The following KIF26B variants were observed in gnomAD, a reference collection of about 807,000 sequenced individuals.
The protein encoded by KIF26B is kinesin-like protein KIF26B.
KIF26B carries 63 observed loss-of-function variants against 151.2 expected under a neutral mutation model. The ratio of observed to expected loss-of-function variants is 0.42; its 90% CI spans 0.34 to 0.51. The LOEUF (loss-of-function observed/expected upper bound fraction) is 0.51, where lower values mean the gene tolerates loss of function less well. Ranked by LOEUF, KIF26B falls within the 20% of genes least tolerant of loss-of-function variation. KIF26B has a pLI of 0.07. For missense variants in KIF26B, 2,813 were observed against 2,913.6 expected (o/e 0.97, Z 0.79); for synonymous variants, 1,357 against 1,262.1 (o/e 1.08, Z -1.59).
intron 3 of KIF26B, among the ~76,000 whole-genome samples, chr1:245,414,336 TG>T (rs1674365974): frequency 6.6e-6 from 1 of 151,788 alleles, no homozygotes; most frequent in African/African-American, 2.4e-5. Context: ...GTTGAGGAGG[TG>T]GGATGGGAGG....
At chr1:245,267,618 G>A (rs1670768916) in intron 2 of KIF26B, among the ~76,000 whole-genome samples, 2 of 148,662 alleles carry the variant, frequency 1.3e-5, no homozygotes, top group South Asian at 4.3e-4. Context: ...GATACTACTG[G>A]CGACAGCTAA....
chr1:245,183,052 T>A (rs1303075046), intron 2 of KIF26B, among the ~76,000 whole-genome samples: 1 of 152,246 alleles, frequency 6.6e-6, no homozygotes, highest in Non-Finnish European at 1.5e-5. Context: ...TGCATTTCAC[T>A]AATGACCGAT....
At chr1:245,299,352 G>A (rs34399176) in intron 2 of KIF26B, among the ~76,000 whole-genome samples, 7,227 of 139,118 alleles carry the variant, frequency 0.052, 229 homozygotes, top group Middle Eastern at 0.1. Context: ...TTGAGTTTGG[G>A]TCGCCCACAT....
At chr1:245,558,077 C>T (rs1275011454) in intron 5 of KIF26B, among the ~76,000 whole-genome samples, 2 of 152,138 alleles carry the variant, frequency 1.3e-5, no homozygotes, top group Admixed American at 6.5e-5. Flanking sequence ...ACTACAGCCT[C>T]GTAGATTTCT....
chr1:245,644,296 T>A (rs1310599175), intron 9 of KIF26B, among the ~76,000 whole-genome samples: 3 of 152,202 alleles, frequency 2.0e-5, no homozygotes, highest in African/African-American at 7.2e-5. Flanking sequence ...ATATTTTTTT[T>A]ATCTCACACA....
intron 2 of KIF26B, among the ~76,000 whole-genome samples, chr1:245,233,660 C>T (rs1670044237): frequency 6.6e-6 from 1 of 152,154 alleles, no homozygotes; most frequent in South Asian, 2.1e-4. Flanking sequence ...AAAAAAATCT[C>T]TTAACTAACC....
Position 245,687,521 on chromosome 1 carries a change from G to T in KIF26B, c.4538G>T (p.Cys1513Phe), listed in dbSNP as rs1384098906. Residue 1513 changes from cysteine (C) to phenylalanine (F), a missense_variant, in exon 12 of 15, where the codon TGT becomes TTT. This residue lies in a region of KIF26B where 2,060 missense variants were observed against 2,088.6 expected (regional missense o/e 0.99). Coordinates refer to ENST00000407071, the MANE Select transcript of KIF26B (RefSeq NM_018012.4). The surrounding 1 kb of genome is among the most constrained non-coding windows in gnomAD (Gnocchi z 4.9). Reference sequence around the variant, plus strand: ...AACTTCAGGAGGGTCGTGGATGGGTGTGAGATGGCCCTGCCCGGTTTGGCC... The same window carrying T: ...AACTTCAGGAGGGTCGTGGATGGGTTTGAGATGGCCCTGCCCGGTTTGGCC... Reference protein sequence around the residue: ...TDNFRRVVDGCEMALPGLATQ... With the variant: ...TDNFRRVVDGFEMALPGLATQ... The T allele has an allele frequency of 6.4e-7, 1 of 1,574,210 alleles. No homozygotes were observed. Among genetic ancestry groups the T allele is most frequent in the East Asian group, 2.4e-5 (1 of 42,444 alleles).
intron 5 of KIF26B, among the ~76,000 whole-genome samples, chr1:245,561,907 T>C (rs1230542004): frequency 3.3e-5 from 5 of 152,202 alleles, no homozygotes; most frequent in African/African-American, 1.2e-4. Flanking sequence ...TGGTCCTGCC[T>C]CTTCTCAGTC....
intron 2 of KIF26B, among the ~76,000 whole-genome samples, chr1:245,257,556 C>T (rs1468964484): frequency 1.3e-5 from 2 of 152,120 alleles, no homozygotes; most frequent in Non-Finnish European, 1.5e-5. Context: ...GAATTTTTGT[C>T]GTTAAACGAG....
At chr1:245,448,892 A>T (rs1008011787) in intron 4 of KIF26B, among the ~76,000 whole-genome samples, 9 of 152,238 alleles carry the variant, frequency 5.9e-5, no homozygotes, top group Non-Finnish European at 1.2e-4. Context: ...ATTGGGGTCT[A>T]CTAGGCTTTG....
chr1:245,678,645 C>CCT (rs1558265676), intron 10 of KIF26B, among the ~76,000 whole-genome samples: 2 of 151,966 alleles, frequency 1.3e-5, no homozygotes, highest in Admixed American at 1.3e-4. Context: ...GGGAGGATCA[C>CCT]GAGGTCAGGA....
chr1:245,694,978 G>A (rs1025825362), intron 12 of KIF26B, among the ~76,000 whole-genome samples: 2 of 152,254 alleles, frequency 1.3e-5, no homozygotes, highest in East Asian at 1.9e-4. Flanking sequence ...GTGGCTCCCC[G>A]ATCAGACAGG....
intron 4 of KIF26B, among the ~76,000 whole-genome samples, chr1:245,493,125 G>C (rs1660443940): frequency 1.3e-5 from 2 of 152,106 alleles, no homozygotes; most frequent in African/African-American, 4.8e-5. Context: ...CAAACGTGTA[G>C]CAAGCTGACA....
chr1:245,254,976 A>G (rs543805034), intron 2 of KIF26B, among the ~76,000 whole-genome samples: 1 of 152,290 alleles, frequency 6.6e-6, no homozygotes, highest in Admixed American at 6.5e-5. Context: ...ACATGTTGGA[A>G]ACTTCATCCT....
chr1:245,322,799 C>T (rs1264986918), intron 2 of KIF26B, among the ~76,000 whole-genome samples: 1 of 152,128 alleles, frequency 6.6e-6, no homozygotes, highest in Non-Finnish European at 1.5e-5. Context: ...AAAAAGGTAA[C>T]CGAGGGTCAG....
chr1:245,361,895 C>G (rs1397438707), intron 2 of KIF26B, among the ~76,000 whole-genome samples: 1 of 151,870 alleles, frequency 6.6e-6, no homozygotes, highest in Non-Finnish European at 1.5e-5. Flanking sequence ...CGTGTCAGTG[C>G]AGATGATAGA....
At chr1:245,464,946 G>A (rs920097721) in intron 4 of KIF26B, among the ~76,000 whole-genome samples, 1 of 151,982 alleles carries the variant, frequency 6.6e-6, no homozygotes, top group African/African-American at 2.4e-5. Context: ...GGCTGCCCGG[G>A]CACCCAGCCG....
At chr1:245,331,099 G>C (rs956882158) in intron 2 of KIF26B, among the ~76,000 whole-genome samples, 2 of 152,014 alleles carry the variant, frequency 1.3e-5, no homozygotes, top group African/African-American at 4.8e-5. Context: ...GGCAGGGGGC[G>C]GTGGGAGTCT....
In KIF26B at chr1:245,608,689, T is replaced by C. The variant is rs2043483641; in HGVS notation, c.1652-577T>C. Among the ~76,000 whole-genome samples the C allele has an allele frequency of 3.3e-5, 5 of 152,200 alleles. No individual in the cohort carries two copies. In the South Asian group the frequency reaches 1.0e-3, roughly 32 times the overall value. ...AAAGCAGTGCAGGAACTGGATAGCA[T>C]GTGATATTTGGGGTCCTCCTCAAGG... On this transcript the variant is annotated intron_variant, in intron 7 of 14. Transcript: ENST00000407071.
Sources: allele counts gnomAD v4.1 joint callset (sites outside exome capture counted in the v4.1 genomes callset), GRCh38; gene constraint gnomAD v4.1.1; regional missense constraint gnomAD v4.1.1; non-coding constraint Gnocchi (gnomAD v3.1); transcripts MANE v1.5; gene names NCBI Gene and HGNC (gene_info 2026-07-23, HGNC 2026-07-21).